The following DNAJA2 variants were observed in gnomAD, a reference collection of about 807,000 sequenced individuals.
DNAJA2 encodes DnaJ heat shock protein family (Hsp40) member A2, also known as dnaJ homolog subfamily A member 2.
Under a neutral mutation model 49.3 loss-of-function variants are expected in DNAJA2, and 6 were observed. The ratio of observed to expected loss-of-function variants is 0.12; its 90% CI spans 0.07 to 0.24. The LOEUF (loss-of-function observed/expected upper bound fraction) is 0.24, where lower values mean the gene tolerates loss of function less well. Among genes scored for constraint, DNAJA2 ranks in the 10% least tolerant of loss-of-function variants. The pLI is 1.00. For synonymous variants in DNAJA2, 160 were observed against 172.7 expected (o/e 0.93, Z 0.58); for missense variants, 347 against 516.8 (o/e 0.67, Z 3.19).
At chr16:46,969,131 T>A (rs895432567) in intron 3 of DNAJA2, among the ~76,000 whole-genome samples, 6 of 152,154 alleles carry the variant, frequency 3.9e-5, no homozygotes, top group African/African-American at 1.4e-4. Context: ...AGATTAGTAA[T>A]GGTCATCCCG....
intron 3 of DNAJA2, among the ~76,000 whole-genome samples, chr16:46,970,930 T>C (rs1347778116): frequency 1.3e-5 from 2 of 150,932 alleles, no homozygotes; most frequent in Admixed American, 6.6e-5. Context: ...CCCAGCTACT[T>C]GGGAGGCTGA....
At chr16:46,966,180 G>A (rs186632893) in intron 5 of DNAJA2, among the ~76,000 whole-genome samples, 5 of 152,130 alleles carry the variant, frequency 3.3e-5, no homozygotes, top group African/African-American at 4.8e-5. Context: ...GCGGTGAGCC[G>A]AGAGTGTGCC....
intron 8 of DNAJA2, among the ~76,000 whole-genome samples, chr16:46,957,814 A>G (rs1314284773): frequency 1.3e-5 from 2 of 152,126 alleles, no homozygotes; most frequent in African/African-American, 4.8e-5. Flanking sequence ...CGGCATGGAC[A>G]CCAGCTTACG....
intron 6 of DNAJA2, among the ~76,000 whole-genome samples, chr16:46,963,130 T>A (rs1397155685): frequency 6.6e-6 from 1 of 152,140 alleles, no homozygotes; most frequent in Non-Finnish European, 1.5e-5. Context: ...GGCTTATGCA[T>A]AGGAGAAAAT....
chr16:46,956,007 A>C lies in DNAJA2; in HGVS notation c.*1022T>G, dbSNP rs1961804619. ...ATAATCAATGGCTTCTCCAATTCCA[A>C]ATATTCAACTTAATGGAGACAGCAT... On this transcript the variant is annotated 3_prime_UTR_variant, in exon 9 of 9. Coordinates refer to ENST00000317089, the MANE Select transcript of DNAJA2 (RefSeq NM_005880.4). 1 of 152,242 alleles carries C rather than the reference A, an allele frequency of 6.6e-6. No homozygotes were observed. The highest frequency in any genetic ancestry group is 1.5e-5 in the Non-Finnish European group (1 of 68,048). 9.4% of individuals were successfully genotyped at this position (152,242 alleles called of 1,614,324 possible). A position where few individuals can be genotyped will look rare whatever the true frequency, so the allele number is the denominator to read the frequency against.
At position 46,972,159 on chromosome 16, in the gene DNAJA2, G is replaced by C. The variant is rs578205354; in HGVS notation, c.79-204C>G. On this transcript the variant is annotated intron_variant, in intron 1 of 8. Transcript: ENST00000317089. ...AACCAAGTAGACAGCAGCTATACTTGAAAACAGGTTACAGTGACGTGAAAA... is the reference window on the plus strand; with the variant it reads ...AACCAAGTAGACAGCAGCTATACTTCAAAACAGGTTACAGTGACGTGAAAA... 1.6e-4 allele frequency: 88 copies of C among 539,082 alleles called. 1 individual carries two copies. The Middle Eastern group carries it at 1.9e-3, about 12-fold the overall frequency. The allele number at this position is 539,082 out of a possible 1,614,324, so 33.4% of individuals were successfully genotyped here. A position where few individuals can be genotyped will look rare whatever the true frequency, so the allele number is the denominator to read the frequency against.
At chr16:46,960,264 G>A (rs1355913166) in intron 6 of DNAJA2, among the ~76,000 whole-genome samples, 3 of 152,128 alleles carry the variant, frequency 2.0e-5, no homozygotes, top group African/African-American at 7.2e-5. Flanking sequence ...GCAGCTTCAG[G>A]AAACTTGTTA....
At chr16:46,964,528 C>T (rs2143650352) in intron 6 of DNAJA2, 83 bp downstream of exon 6, 1 of 1,383,264 alleles carries the variant, frequency 7.2e-7, no homozygotes. Context: ...CCAGGGACTC[C>T]AAACAGATCT....
At chr16:46,965,687 C>T (rs911158812) in intron 5 of DNAJA2, among the ~76,000 whole-genome samples, 1 of 151,020 alleles carries the variant, frequency 6.6e-6, no homozygotes, top group Non-Finnish European at 1.5e-5. Context: ...AAAAATCAGC[C>T]GGGCGTGGTG....
chr16:46,957,454 T>G (rs1239560863), intron 8 of DNAJA2, among the ~76,000 whole-genome samples: 1 of 151,956 alleles, frequency 6.6e-6, no homozygotes, highest in Non-Finnish European at 1.5e-5. Context: ...ATACAAAAAA[T>G]TAGCCAGGCA....
At chr16:46,969,357 T>C (rs1038862960) in intron 3 of DNAJA2, among the ~76,000 whole-genome samples, 1 of 152,222 alleles carries the variant, frequency 6.6e-6, no homozygotes, top group African/African-American at 2.4e-5. Flanking sequence ...AGCTGAGCTT[T>C]AGACCAAAAC....
Position 46,956,854 on chromosome 16 carries a change from T to G in DNAJA2, c.*175A>C, listed in dbSNP as rs1961822420. On this transcript the variant is annotated 3_prime_UTR_variant, in exon 9 of 9. Coordinates refer to ENST00000317089, the MANE Select transcript of DNAJA2 (RefSeq NM_005880.4). ...CAGTCAAAATGAAGATGTAAAGCTT[T>G]GTGGTTAGTTTAAATTATACACTCT... is the stretch of plus-strand genomic sequence containing the variant. 3 of 684,258 alleles carry G rather than the reference T, an allele frequency of 4.4e-6. No homozygotes were observed. The allele number at this position is 684,258 out of a possible 1,614,324, so 42.4% of individuals were successfully genotyped here. A position where few individuals can be genotyped will look rare whatever the true frequency, so the allele number is the denominator to read the frequency against.
rs773158532 is a variant in DNAJA2 at position 46,955,467 on chromosome 16, TATGCTGTTGA to T, written c.*1552_*1561del. 2.6e-5 allele frequency: 4 copies of T among 152,258 alleles called. No homozygotes were observed. Among genetic ancestry groups the T allele is most frequent in the Non-Finnish European group, 5.9e-5 (4 of 68,044 alleles). 9.4% of individuals were successfully genotyped at this position (152,258 alleles called of 1,614,324 possible). ...GAAGTAACCTTGGATACAAAACTAC[TATGCTGTTGA>T]ATCTTACCCAGGCTTGTTGTAAAAT... On this transcript the variant is annotated 3_prime_UTR_variant, in exon 9 of 9. Transcript: ENST00000317089.
At chr16:46,964,836 G>C in intron 5 of DNAJA2, 29 bp from the exon 6 acceptor site, 1 of 1,574,384 alleles carries the variant, frequency 6.4e-7, no homozygotes, top group African/African-American at 1.4e-5. Flanking sequence ...GAAACTTTCA[G>C]CAAGAGTACT....
intron 6 of DNAJA2, among the ~76,000 whole-genome samples, chr16:46,964,049 G>A (rs1468195662): frequency 1.3e-5 from 2 of 152,136 alleles, no homozygotes; most frequent in African/African-American, 4.8e-5. Context: ...TCCAGCCTGG[G>A]TAACAAAGCA....
At chr16:46,969,964 A>C (rs1237737630) in intron 3 of DNAJA2, among the ~76,000 whole-genome samples, 2 of 152,228 alleles carry the variant, frequency 1.3e-5, no homozygotes, top group Non-Finnish European at 2.9e-5. Context: ...TTACCATTGG[A>C]ATGGTATCCA....
rs894327317 is a variant in DNAJA2 at position 46,956,570 on chromosome 16, T to C, written c.*459A>G. On this transcript the variant is annotated 3_prime_UTR_variant, in exon 9 of 9. Transcript: ENST00000317089. ...CCATTGTGTGCAAAGCCCATTTTTT[T>C]CCATGCATCTAAATGATAGATACAG... The C allele has an allele frequency of 6.5e-6, 1 of 154,078 alleles. No individual in the cohort carries two copies. The highest frequency in any genetic ancestry group is 1.4e-5 in the Non-Finnish European group (1 of 69,018). 9.5% of individuals were successfully genotyped at this position (154,078 alleles called of 1,614,324 possible). A position where few individuals can be genotyped will look rare whatever the true frequency, so the allele number is the denominator to read the frequency against.
intron 3 of DNAJA2, among the ~76,000 whole-genome samples, chr16:46,970,883 A>G (rs1267723543): frequency 1.3e-5 from 2 of 151,882 alleles, no homozygotes; most frequent in Non-Finnish European, 2.9e-5. Flanking sequence ...TTCTAAAAAT[A>G]CAAAATTAGC....
intron 5 of DNAJA2, among the ~76,000 whole-genome samples, chr16:46,966,852 T>C (rs892353014): frequency 6.6e-6 from 1 of 152,224 alleles, no homozygotes; most frequent in Non-Finnish European, 1.5e-5. Context: ...ATTTGTCCCT[T>C]TGTAGTTTAA....
Sources: gnomAD v4.1 joint callset for allele counts (sites outside exome capture counted in the v4.1 genomes callset) on GRCh38, gnomAD v4.1.1 for gene constraint, MANE v1.5 for transcripts, NCBI Gene and HGNC (gene_info 2026-07-23, HGNC 2026-07-21) for gene names.